PARM1: variants seen among roughly 807,000 people sequenced by gnomAD.
The protein encoded by PARM1 is prostate androgen-regulated mucin-like protein 1.
A neutral mutation model predicts 24.6 loss-of-function variants in PARM1; 14 were observed. That is an observed-to-expected ratio of 0.57 (90% CI 0.38 to 0.89). The LOEUF (loss-of-function observed/expected upper bound fraction) is 0.89. Among genes scored for constraint, PARM1 ranks in the 40% least tolerant of loss-of-function variants. The pLI is 0.00. For synonymous variants in PARM1, 179 were observed against 156.6 expected, an observed-to-expected ratio of 1.14 and a Z score of -1.07; for missense variants, 362 against 380.4, an observed-to-expected ratio of 0.95 and a Z score of 0.40.
chr4:75,045,820 T>A (rs1234526366), intron 3 of PARM1, among the ~76,000 whole-genome samples: 1 of 152,232 alleles, frequency 6.6e-6, no homozygotes, highest in Non-Finnish European at 1.5e-5. Context: ...TAAGTCAGAA[T>A]GTTAGGAATG....
intron 2 of PARM1, among the ~76,000 whole-genome samples, chr4:75,032,028 T>A (rs1199624176): frequency 2.0e-5 from 3 of 152,222 alleles, no homozygotes; most frequent in Non-Finnish European, 2.9e-5. Context: ...ACCTCGGACT[T>A]TCTCTGCTTG....
intron 1 of PARM1, among the ~76,000 whole-genome samples, chr4:75,005,319 G>A (rs913813496): frequency 3.9e-5 from 6 of 152,148 alleles, no homozygotes; most frequent in African/African-American, 9.7e-5. Context: ...GTTTTCTCAC[G>A]TGCTTGACAA....
chr4:74,936,466 T>G lies in PARM1; in HGVS notation c.43+3096T>G, dbSNP rs368433555. On this transcript the variant is annotated intron_variant, in intron 1 of 3. Transcript: ENST00000307428. The stretch of plus-strand genomic sequence containing the variant: ...TTTTTTTTGTTTGTTTTTTTGTTTT[T>G]TTTTTGAGATGGAGTCTCTCTCTGT... Among the ~76,000 whole-genome samples the G allele has an allele frequency of 9.2e-3, 1,072 of 116,330 alleles. 13 individuals are homozygous for G. Among genetic ancestry groups the G allele is most frequent in the East Asian group, 0.04 (133 of 3,344 alleles). 76.3% of individuals were successfully genotyped at this position (116,330 alleles called of 152,430 possible). A position where few individuals can be genotyped will look rare whatever the true frequency, so the allele number is the denominator to read the frequency against.
chr4:74,965,257 A>C (rs978626034), intron 1 of PARM1: 8 of 152,214 alleles, frequency 5.3e-5, no homozygotes, highest in Non-Finnish European at 1.0e-4. Flanking sequence ...TTAGTTATTA[A>C]TACTATCTTC....
At chr4:74,941,896 G>A (rs910077283) in intron 1 of PARM1, among the ~76,000 whole-genome samples, 2 of 152,308 alleles carry the variant, frequency 1.3e-5, no homozygotes, top group South Asian at 2.1e-4. Flanking sequence ...AGGTTCATAC[G>A]AAGAGAACCA....
chr4:75,009,212 T>A (rs1249321472), intron 1 of PARM1, among the ~76,000 whole-genome samples: 2 of 152,236 alleles, frequency 1.3e-5, no homozygotes, highest in African/African-American at 4.8e-5. Context: ...CTTATGGCCT[T>A]GATGAACTCC....
At chr4:74,972,733 A>G (rs776990331) in intron 1 of PARM1, among the ~76,000 whole-genome samples, 2 of 152,228 alleles carry the variant, frequency 1.3e-5, no homozygotes, top group Non-Finnish European at 2.9e-5. Flanking sequence ...CATAAGCTCA[A>G]TCTGAGCCTA....
intron 1 of PARM1, among the ~76,000 whole-genome samples, chr4:74,934,916 G>C (rs1311581031): frequency 6.6e-6 from 1 of 151,572 alleles, no homozygotes; most frequent in Non-Finnish European, 1.5e-5. Flanking sequence ...AAACAGCTCT[G>C]GCAGTTGTCA....
At chr4:75,045,044 C>A (rs992230689) in intron 3 of PARM1, among the ~76,000 whole-genome samples, 3 of 152,132 alleles carry the variant, frequency 2.0e-5, no homozygotes, top group African/African-American at 7.2e-5. Context: ...TGGGTGGGGA[C>A]ACAGCCAAAC....
intron 2 of PARM1, among the ~76,000 whole-genome samples, chr4:75,025,326 T>C (rs1487887456): frequency 6.6e-6 from 1 of 152,214 alleles, no homozygotes; most frequent in Non-Finnish European, 1.5e-5. Context: ...CTGGAGTTGC[T>C]ATGTGTTAAT....
chr4:75,022,413 T>C (rs949885504), intron 2 of PARM1, among the ~76,000 whole-genome samples: 1 of 152,252 alleles, frequency 6.6e-6, no homozygotes, highest in Non-Finnish European at 1.5e-5. Context: ...TAATCTGCTT[T>C]TGAAATGTTT....
At chr4:74,977,237 C>A (rs114538735) in intron 1 of PARM1, among the ~76,000 whole-genome samples, 1 of 152,206 alleles carries the variant, frequency 6.6e-6, no homozygotes, top group Non-Finnish European at 1.5e-5. Context: ...AGCTATTAAC[C>A]AGAATAACCA....
At chr4:74,995,110 A>G (rs116018370) in intron 1 of PARM1, among the ~76,000 whole-genome samples, 220 of 152,338 alleles carry the variant, frequency 1.4e-3, no homozygotes, top group African/African-American at 5.1e-3. Context: ...AAATACACTT[A>G]GAGAAGATTA....
chr4:74,982,374 G>A (rs1307198131), intron 1 of PARM1, among the ~76,000 whole-genome samples: 1 of 152,070 alleles, frequency 6.6e-6, no homozygotes, highest in Non-Finnish European at 1.5e-5. Flanking sequence ...TGATGGCTTG[G>A]TATGTGCAGC....
At chr4:75,014,175 T>A (rs1722933466) in intron 2 of PARM1, among the ~76,000 whole-genome samples, 1 of 152,078 alleles carries the variant, frequency 6.6e-6, no homozygotes, top group African/African-American at 2.4e-5. Flanking sequence ...AACAAACAAT[T>A]GATATACATC....
chr4:74,935,222 T>C (rs576001777), intron 1 of PARM1, among the ~76,000 whole-genome samples: 90 of 152,188 alleles, frequency 5.9e-4, no homozygotes, highest in African/African-American at 2.0e-3. Flanking sequence ...CTCATTTCCC[T>C]AGTTATGCTT....
intron 1 of PARM1, among the ~76,000 whole-genome samples, chr4:74,949,704 T>C (rs144221439): frequency 2.9e-4 from 44 of 152,228 alleles, no homozygotes; most frequent in East Asian, 2.5e-3. Context: ...CCAATAAACA[T>C]GAGTTGTCAT....
At chr4:74,933,696 A>C (rs1721116639) in intron 1 of PARM1, among the ~76,000 whole-genome samples, 1 of 152,148 alleles carries the variant, frequency 6.6e-6, no homozygotes, top group African/African-American at 2.4e-5. Context: ...TTTCTTCACC[A>C]GGGTTTCGGA....
At chr4:74,990,254 G>A (rs902076608) in intron 1 of PARM1, among the ~76,000 whole-genome samples, 1 of 152,132 alleles carries the variant, frequency 6.6e-6, no homozygotes, top group African/African-American at 2.4e-5. Flanking sequence ...ATGGAAATCT[G>A]TAGTACATCC....
Sources: allele counts gnomAD v4.1 joint callset (sites outside exome capture counted in the v4.1 genomes callset), GRCh38; gene constraint gnomAD v4.1.1; transcripts MANE v1.5; gene names NCBI Gene and HGNC (gene_info 2026-07-23, HGNC 2026-07-21).